The following ENPP3 variants were observed in gnomAD, a reference collection of about 807,000 sequenced individuals.
ENPP3 encodes ectonucleotide pyrophosphatase/phosphodiesterase family member 3.
Under a neutral mutation model 117.8 loss-of-function variants are expected in ENPP3, and 104 were observed. The ratio of observed to expected loss-of-function variants is 0.88; its 90% confidence interval spans 0.75 to 1.04. ENPP3 has a LOEUF of 1.04. Ranked by LOEUF, ENPP3 falls within the 50% of genes least tolerant of loss-of-function variation. ENPP3 has a pLI of 0.00. For missense variants in ENPP3, 1,026 were observed against 1,051.9 expected (o/e 0.98, Z 0.34); for synonymous variants, 380 against 349.9 (o/e 1.09, Z -0.96).
intron 24 of ENPP3, among the ~76,000 whole-genome samples, chr6:131,741,112 T>C (rs1353765311): frequency 1.3e-5 from 2 of 152,110 alleles, no homozygotes; most frequent in Non-Finnish European, 1.5e-5. Flanking sequence ...TACCTCAAAA[T>C]CCTTTTTGGA....
At chr6:131,653,836 G>A (rs1778317857) in intron 5 of ENPP3, among the ~76,000 whole-genome samples, 1 of 152,148 alleles carries the variant, frequency 6.6e-6, no homozygotes, top group Admixed American at 6.5e-5. Flanking sequence ...AGCTTTGTCA[G>A]GGGGCATAGG....
At chr6:131,740,166 C>A in intron 23 of ENPP3, 58 bp from the exon 24 acceptor site, 1 of 1,317,696 alleles carries the variant, frequency 7.6e-7, no homozygotes, top group Non-Finnish European at 1.0e-6. Flanking sequence ...ACACACTTAT[C>A]ACCTTTAGAA....
At chr6:131,675,433 G>C in intron 9 of ENPP3, 1 of 401,382 alleles carries the variant, frequency 2.5e-6, no homozygotes, top group South Asian at 3.2e-5. Context: ...GGTTCGAGCT[G>C]TCATCTCTTG....
chr6:131,642,458 C>T (rs954284969), intron 2 of ENPP3, among the ~76,000 whole-genome samples: 1 of 152,020 alleles, frequency 6.6e-6, no homozygotes. Flanking sequence ...GTAAATGCAC[C>T]ACTTACAAAT....
At chr6:131,682,639 A>T (rs2114416264) in intron 11 of ENPP3, among the ~76,000 whole-genome samples, 2 of 152,350 alleles carry the variant, frequency 1.3e-5, no homozygotes, top group East Asian at 3.9e-4. Flanking sequence ...GTTGAGTTGC[A>T]GATGCTCTTT....
intron 15 of ENPP3, among the ~76,000 whole-genome samples, chr6:131,697,356 G>T (rs529457605): frequency 4.4e-4 from 63 of 143,970 alleles, no homozygotes; most frequent in African/African-American, 1.6e-3. Context: ...GACGAGGATG[G>T]TCTAGCGCAG....
At position 131,724,067 on chromosome 6, in the gene ENPP3, A is replaced by G. The variant is rs777732521; in HGVS notation, c.1774A>G (p.Met592Val). 1.2e-6 allele frequency: 2 copies of G among 1,612,250 alleles called. No homozygotes were observed. Among genetic ancestry groups the G allele is most frequent in the Non-Finnish European group, 1.7e-6 (2 of 1,178,572 alleles). ...TACTCAGCTGGAACAAGTGAATCAGATGCTAAATCTCACCCAAGAAGAAAG... is the reference window on the plus strand; with the variant it reads ...TACTCAGCTGGAACAAGTGAATCAGGTGCTAAATCTCACCCAAGAAGAAAG... ...NSTQLEQVNQMLNLTQEEITA... is the reference protein window; with the variant it reads ...NSTQLEQVNQVLNLTQEEITA... Residue 592 changes from methionine to valine, a missense_variant, in exon 19 of 25, where the codon ATG becomes GTG. Transcript: ENST00000357639.
Position 131,693,593 on chromosome 6 carries a change from C to T in ENPP3, c.1381C>T (p.Leu461Phe). The change falls in exon 15 of 25, where the codon CTC becomes TTC. Residue 461 changes from leucine to phenylalanine, a missense_variant. Leu to Phe is a conservative substitution (Grantham distance 22, BLOSUM62 0). Transcript: ENST00000357639. ...AKNVRIDKVH[L>F]FVDQQWLAVR... The stretch of plus-strand genomic sequence containing the variant: ...GAACGTCAGAATCGACAAAGTTCAT[C>T]TCTTTGTGGATCAACAGTGGCTGGC... 1 of 1,613,770 alleles carries T rather than the reference C, an allele frequency of 6.2e-7. No homozygotes were observed. The highest frequency in any genetic ancestry group is 1.3e-5 in the African/African-American group (1 of 75,050).
rs1024548168 is a variant in ENPP3 at position 131,676,726 on chromosome 6, A to G, written c.873-10A>G. 5.7e-6 allele frequency: 9 copies of G among 1,566,720 alleles called. No homozygotes were observed. In the African/African-American group the frequency reaches 9.5e-5, roughly 16 times the overall value. ...CATTTTAAAGAATTATTTCTACCCT[A>G]TTTTTTCAGAAGTGTCCCATTTGAA... On this transcript the variant is annotated splice_polypyrimidine_tract_variant and intron_variant, in intron 9 of 24. Transcript: ENST00000357639.
chr6:131,677,113 G>A (rs1414973428), intron 10 of ENPP3, among the ~76,000 whole-genome samples: 2 of 152,108 alleles, frequency 1.3e-5, no homozygotes, highest in Non-Finnish European at 2.9e-5. Context: ...GTACGCAGTT[G>A]TAGTCCTAAC....
intron 2 of ENPP3, among the ~76,000 whole-genome samples, chr6:131,645,429 G>T (rs965468269): frequency 2.6e-5 from 4 of 152,172 alleles, no homozygotes; most frequent in African/African-American, 7.2e-5. Context: ...CTATTTCTCT[G>T]CCCTGTTGCT....
At chr6:131,641,611 T>C in intron 2 of ENPP3, 81 bp downstream of exon 2, 1 of 855,294 alleles carries the variant, frequency 1.2e-6, no homozygotes, top group Non-Finnish European at 2.0e-6. Flanking sequence ...GTATCTCCCA[T>C]CCCAAGCCTC....
In ENPP3 at chr6:131,644,191, C is replaced by T. The variant is rs192027516; in HGVS notation, c.154+2661C>T. On this transcript the variant is annotated intron_variant, in intron 2 of 24. Transcript: ENST00000357639. Reference sequence around the variant, plus strand: ...GAGATCTACTAAATAAAGAGGAACCCGATCAAGTAAAGGTTAGTATGTCAA... The same window carrying T: ...GAGATCTACTAAATAAAGAGGAACCTGATCAAGTAAAGGTTAGTATGTCAA... Among the ~76,000 whole-genome samples, 20 of 152,176 alleles carry T rather than the reference C, an allele frequency of 1.3e-4. No homozygotes were observed. In the East Asian group the frequency reaches 2.9e-3, roughly 22 times the overall value.
rs1390811986 is a variant in ENPP3 at position 131,637,308 on chromosome 6, T to A, written c.-77T>A. On this transcript the variant is annotated 5_prime_UTR_variant, in exon 1 of 25. Transcript: ENST00000357639. ...AGGCACAGCTATGTAACTCATACAG[T>A]TTCTCTTTGCCAGACTAGACTAAAG... The A allele has an allele frequency of 4.6e-6, 4 of 865,762 alleles. No individual in the cohort carries two copies. In the African/African-American group the frequency reaches 7.0e-5, roughly 15 times the overall value. 53.6% of individuals were successfully genotyped at this position (865,762 alleles called of 1,614,324 possible).
intron 2 of ENPP3, among the ~76,000 whole-genome samples, chr6:131,641,888 C>T (rs2114285385): frequency 6.8e-6 from 1 of 146,246 alleles, no homozygotes; most frequent in South Asian, 2.2e-4. Flanking sequence ...TCCTCCCTGC[C>T]CTCAGGTGAT....
intron 2 of ENPP3, among the ~76,000 whole-genome samples, chr6:131,643,335 G>A (rs1006583528): frequency 6.6e-6 from 1 of 152,134 alleles, no homozygotes; most frequent in African/African-American, 2.4e-5. Context: ...GATTGCAGAA[G>A]GCATATCTAA....
At chr6:131,692,790 A>G (rs1779309152) in intron 14 of ENPP3, among the ~76,000 whole-genome samples, 1 of 145,182 alleles carries the variant, frequency 6.9e-6, no homozygotes, top group Non-Finnish European at 1.5e-5. Flanking sequence ...TATATGATAT[A>G]ATATGTAGTT....
At chr6:131,639,728 C>T (rs1256466672) in intron 1 of ENPP3, among the ~76,000 whole-genome samples, 1 of 152,122 alleles carries the variant, frequency 6.6e-6, no homozygotes, top group Non-Finnish European at 1.5e-5. Context: ...GTATTCTCCC[C>T]ACTTTGTGCA....
chr6:131,679,001 G>GCTTC (rs1191014512), intron 11 of ENPP3, among the ~76,000 whole-genome samples: 5,990 of 40,082 alleles, frequency 0.15, 1,547 homozygotes, highest in Non-Finnish European at 0.17. Context: ...TTCCTTCCTT[G>GCTTC]CTTCCTTCCT....
Sources: gnomAD v4.1 joint callset for allele counts (sites outside exome capture counted in the v4.1 genomes callset) on GRCh38, gnomAD v4.1.1 for gene constraint, MANE v1.5 for transcripts, NCBI Gene and HGNC (gene_info 2026-07-23, HGNC 2026-07-21) for gene names.